The following ZC3H12B variants were observed in gnomAD, a reference collection of about 807,000 sequenced individuals.
ZC3H12B encodes probable ribonuclease ZC3H12B.
ZC3H12B carries 7 observed loss-of-function variants against 43.9 expected under a neutral mutation model. The ratio of observed to expected loss-of-function variants is 0.16; its 90% confidence interval spans 0.09 to 0.30. ZC3H12B has a LOEUF of 0.30. ZC3H12B is among the 10% of genes least tolerant of loss of function. The probability of loss-of-function intolerance (pLI) is 1.00; values close to 1 mark genes in which losing one functional copy is unlikely to be tolerated. For synonymous variants in ZC3H12B, 222 were observed against 241.7 expected, an observed-to-expected ratio of 0.92 and a Z score of 0.76; for missense variants, 475 against 670.2, an observed-to-expected ratio of 0.71 and a Z score of 3.22.
chrX:65,343,721 C>G, the ZC3H12B span, among the ~76,000 whole-genome samples: 2 of 112,224 alleles, frequency 1.8e-5, no homozygotes, highest in Middle Eastern at 4.2e-3. Context: ...CAACATCATA[C>G]TTAAGGGGAA....
chrX:65,489,840 C>T (rs763688197), intron 1 of ZC3H12B, among the ~76,000 whole-genome samples: 7 of 111,980 alleles, frequency 6.3e-5, no homozygotes, highest in South Asian at 3.8e-4. Context: ...TGTGATCAGG[C>T]CTGTCCCTCC....
the ZC3H12B span, among the ~76,000 whole-genome samples, chrX:65,319,905 G>A: frequency 9.0e-6 from 1 of 111,324 alleles, no homozygotes; most frequent in Non-Finnish European, 1.9e-5. Context: ...AGTAAACTAG[G>A]CATTGAAGGA....
intron 3 of ZC3H12B, among the ~76,000 whole-genome samples, chrX:65,409,428 A>T (rs2066876073): frequency 8.9e-6 from 1 of 111,870 alleles, no homozygotes; most frequent in African/African-American, 3.3e-5. Context: ...TCAACATAGT[A>T]GCGGAAGTCC....
chrX:65,221,822 G>T, the ZC3H12B span, among the ~76,000 whole-genome samples: 1 of 110,595 alleles, frequency 9.0e-6, no homozygotes, highest in Non-Finnish European at 1.9e-5. Context: ...TAAAAAAAAG[G>T]AAATCCTTTC....
At chrX:65,166,955 T>C in the ZC3H12B span, among the ~76,000 whole-genome samples, 1 of 112,148 alleles carries the variant, frequency 8.9e-6, no homozygotes, top group Non-Finnish European at 1.9e-5. Context: ...CTTTGTCAGA[T>C]GGGTAGATTG....
At chrX:65,250,754 G>C in the ZC3H12B span, among the ~76,000 whole-genome samples, 6 of 111,565 alleles carry the variant, frequency 5.4e-5, no homozygotes, top group African/African-American at 1.3e-4. Context: ...AGTGTCTGTT[G>C]ATATCCTTTG....
At chrX:65,081,090 TG>T in the ZC3H12B span, among the ~76,000 whole-genome samples, 2 of 108,837 alleles carry the variant, frequency 1.8e-5, no homozygotes, top group Admixed American at 2.0e-4. Flanking sequence ...AAGATAGTTT[TG>T]CAATCCTAAT....
At chrX:65,045,248 A>G in the ZC3H12B span, among the ~76,000 whole-genome samples, 52 of 111,649 alleles carry the variant, frequency 4.7e-4, 1 homozygote, top group African/African-American at 1.3e-3. Context: ...TGTTGCATCA[A>G]TAGACTTTTT....
the ZC3H12B span, among the ~76,000 whole-genome samples, chrX:65,259,295 T>C: frequency 9.0e-6 from 1 of 111,453 alleles, no homozygotes; most frequent in African/African-American, 3.3e-5. Flanking sequence ...ATAAAGCCAA[T>C]GAAAACAAGC....
At chrX:65,226,806 G>A in the ZC3H12B span, among the ~76,000 whole-genome samples, 1 of 111,665 alleles carries the variant, frequency 9.0e-6, no homozygotes, top group Non-Finnish European at 1.9e-5. Flanking sequence ...TAATGGTAAA[G>A]GGATCAATGC....
At chrX:65,192,132 G>C in the ZC3H12B span, among the ~76,000 whole-genome samples, 1 of 109,383 alleles carries the variant, frequency 9.1e-6, no homozygotes, top group African/African-American at 3.3e-5. Flanking sequence ...TCTTAATCCT[G>C]AGTTCTAGTT....
At chrX:65,389,423 G>A (rs771479349) in intron 2 of ZC3H12B, among the ~76,000 whole-genome samples, 1 of 112,521 alleles carries the variant, frequency 8.9e-6, no homozygotes, top group East Asian at 2.8e-4. Context: ...ATGGGCGTAG[G>A]ACTCTCCAAG....
At chrX:65,464,810 G>T (rs1343378064) in intron 3 of ZC3H12B, among the ~76,000 whole-genome samples, 2 of 110,148 alleles carry the variant, frequency 1.8e-5, no homozygotes, top group Non-Finnish European at 3.8e-5. Flanking sequence ...GGTATAATGT[G>T]GTTTGGTTTT....
At chrX:65,348,093 G>T in the ZC3H12B span, among the ~76,000 whole-genome samples, 3 of 110,469 alleles carry the variant, frequency 2.7e-5, no homozygotes, top group East Asian at 8.5e-4. Flanking sequence ...TGGGGTGGGG[G>T]GAGTGGGGGG....
the ZC3H12B span, among the ~76,000 whole-genome samples, chrX:65,257,165 G>T: frequency 6.2e-5 from 7 of 112,111 alleles, no homozygotes; most frequent in African/African-American, 1.9e-4. Flanking sequence ...TATGTTTATT[G>T]CAGCACTATT....
the ZC3H12B span, among the ~76,000 whole-genome samples, chrX:65,158,769 T>G: frequency 2.7e-5 from 3 of 112,016 alleles, no homozygotes; most frequent in Non-Finnish European, 5.6e-5. Context: ...AGAAGCTCTT[T>G]AGTTTAATTA....
At chrX:65,145,258 G>A in the ZC3H12B span, among the ~76,000 whole-genome samples, 3 of 97,128 alleles carry the variant, frequency 3.1e-5, no homozygotes, top group Non-Finnish European at 6.3e-5. Flanking sequence ...TTTTTTAACT[G>A]CTGTTGCTTT....
chrX:65,371,977 C>A (rs990598392), intron 2 of ZC3H12B, among the ~76,000 whole-genome samples: 3 of 111,610 alleles, frequency 2.7e-5, no homozygotes, highest in Non-Finnish European at 5.6e-5. Flanking sequence ...AAAGTGAGTT[C>A]TCTCTGTCAA....
At chrX:65,416,027 A>G (rs2066956064) in intron 3 of ZC3H12B, among the ~76,000 whole-genome samples, 1 of 111,980 alleles carries the variant, frequency 8.9e-6, no homozygotes, top group Non-Finnish European at 1.9e-5. Flanking sequence ...TCTAAAATAT[A>G]TTGTACAATT....
Sources: allele counts gnomAD v4.1 joint callset (sites outside exome capture counted in the v4.1 genomes callset), GRCh38; gene constraint gnomAD v4.1.1; transcripts MANE v1.5; gene names NCBI Gene and HGNC (gene_info 2026-07-23, HGNC 2026-07-21).